GAD2: variants seen among roughly 807,000 people sequenced by gnomAD.
The protein encoded by GAD2 is glutamate decarboxylase 2.
GAD2 carries 22 observed loss-of-function variants against 80.1 expected under a neutral mutation model. That is an observed-to-expected ratio of 0.27 (90% CI 0.20 to 0.39). The LOEUF is 0.39. Among genes scored for constraint, GAD2 ranks in the 10% least tolerant of loss-of-function variants. GAD2 has a pLI of 1.00. For synonymous variants in GAD2, 274 were observed against 256.9 expected, an observed-to-expected ratio of 1.07 and a Z score of -0.64; for missense variants, 624 against 738.4, an observed-to-expected ratio of 0.85 and a Z score of 1.80.
chr10:26,294,426 G>C (rs757495337), intron 15 of GAD2, among the ~76,000 whole-genome samples: 16 of 152,194 alleles, frequency 1.1e-4, no homozygotes, highest in Non-Finnish European at 2.1e-4. Context: ...TTTAAACCAA[G>C]CCTCCTAATT....
intron 12 of GAD2, among the ~76,000 whole-genome samples, chr10:26,281,944 A>C (rs1331792425): frequency 6.6e-6 from 1 of 152,120 alleles, no homozygotes; most frequent in Non-Finnish European, 1.5e-5. Flanking sequence ...ATCTTCATTT[A>C]CTTTTTTTTT....
rs541090237 is a variant in GAD2, at chr10:26,218,161, T to C, written c.286+170T>C. The C allele has an allele frequency of 9.1e-5, 63 of 692,316 alleles. No individual in the cohort carries two copies. In the African/African-American group the frequency reaches 1.1e-3, roughly 12 times the overall value. 42.9% of individuals were successfully genotyped at this position (692,316 alleles called of 1,614,324 possible). On this transcript the variant is annotated intron_variant, in intron 3 of 15. Transcript: ENST00000376261. ...AGCGAGAAATGCGGGACCTGCCCGCTGGGTCCAAGCCCCCGAACCTGGCCT... is the reference window on the plus strand; with the variant it reads ...AGCGAGAAATGCGGGACCTGCCCGCCGGGTCCAAGCCCCCGAACCTGGCCT...
intron 8 of GAD2, 106 bp from the exon 9 acceptor site, chr10:26,269,013 G>A: frequency 1.4e-6 from 1 of 710,430 alleles, no homozygotes; most frequent in Non-Finnish European, 2.4e-6. Context: ...TCCGAGTATT[G>A]TTATCAACAG....
At position 26,300,958 on chromosome 10, in the gene GAD2, A is replaced by G. The variant is rs1185112622; in HGVS notation, c.1755A>G (p.Leu585=). 2 of 1,613,164 alleles carry G rather than the reference A, an allele frequency of 1.2e-6. No individual in the cohort carries two copies. The highest frequency in any genetic ancestry group is 8.5e-7 in the Non-Finnish European group (1 of 1,179,228). Residue 585 remains leucine, a synonymous_variant, in exon 16 of 16, where the codon TTA becomes TTG. Transcript: ENST00000376261. ...AAATAGAACGCCTTGGACAAGATTTATAATAACCTTGCTCACCAAGCTGTT... is the reference window on the plus strand; with the variant it reads ...AAATAGAACGCCTTGGACAAGATTTGTAATAACCTTGCTCACCAAGCTGTT... ...IEEIERLGQD[L]
chr10:26,274,988 G>A (rs1472551012), intron 11 of GAD2, among the ~76,000 whole-genome samples: 1 of 152,206 alleles, frequency 6.6e-6, no homozygotes, highest in Non-Finnish European at 1.5e-5. Flanking sequence ...CAGTGGATGA[G>A]GGCAGGTGTG....
In GAD2 at chr10:26,303,484, A is replaced by G. The variant is rs1228613103; in HGVS notation, c.*2523A>G. On this transcript the variant is annotated 3_prime_UTR_variant, in exon 16 of 16. Coordinates refer to ENST00000376261, the MANE Select transcript of GAD2 (RefSeq NM_001134366.2). ...GGAGGGAGGGAAGGAGGGAGGGAGG[A>G]AGGAAATGAAGGGAGGGAGGGAGGG... is the stretch of plus-strand genomic sequence containing the variant. 11 of 139,760 alleles carry G rather than the reference A, an allele frequency of 7.9e-5. No individual in the cohort carries two copies. The highest frequency in any genetic ancestry group is 1.4e-4 in the Admixed American group (2 of 14,010). 8.7% of individuals were successfully genotyped at this position (139,760 alleles called of 1,614,324 possible).
Position 26,219,135 on chromosome 10 carries a change from G to A in GAD2, c.379G>A (p.Asp127Asn), listed in dbSNP as rs747528687. Residue 127 changes from aspartate to asparagine, a missense_variant, in exon 4 of 16, where the codon GAT becomes AAT. Physicochemically the swap from Asp to Asn is conservative, Grantham distance 23. Transcript: ENST00000376261. ...ACTTCAGTATGTGGTGAAAAGTTTC[G>A]ATAGATCAACCAAAGTGATTGATTT... ...ILLQYVVKSF[D>N]RSTKVIDFHY... is the part of the protein sequence containing the mutation. The A allele has an allele frequency of 5.6e-6, 9 of 1,613,798 alleles. No individual in the cohort carries two copies. Among genetic ancestry groups the A allele is most frequent in the Non-Finnish European group, 7.6e-6 (9 of 1,179,902 alleles).
intron 14 of GAD2, 119 bp from the exon 15 acceptor site, chr10:26,292,783 C>A: frequency 3.2e-6 from 3 of 930,750 alleles, no homozygotes; most frequent in Non-Finnish European, 3.5e-6. Context: ...AATGGCAATT[C>A]CTGATTGAAA....
chr10:26,292,560 G>T lies in GAD2; in HGVS notation c.1482G>T (p.Val494=), dbSNP rs1422139298. 1.2e-6 allele frequency: 2 copies of T among 1,610,732 alleles called. No individual in the cohort carries two copies. Among genetic ancestry groups the T allele is most frequent in the African/African-American group, 2.7e-5 (2 of 74,852 alleles). ...AAAACCGAGAAGGATATGAGATGGT[G>T]TTTGATGGGAAGGTATGTATTTGGA... is the stretch of plus-strand genomic sequence containing the variant. ...IIKNREGYEM[V]FDGKPQHTNV... Residue 494 remains valine, a synonymous_variant, in exon 14 of 16, where the codon GTG becomes GTT. Coordinates refer to ENST00000376261, the MANE Select transcript of GAD2 (RefSeq NM_001134366.2).
chr10:26,273,809 A>G (rs1297558848), intron 11 of GAD2, 109 bp downstream of exon 11: 4 of 850,560 alleles, frequency 4.7e-6, no homozygotes, highest in Non-Finnish European at 5.7e-6. Flanking sequence ...AACTCACTCT[A>G]TTCAGTGCTT....
chr10:26,259,191 G>C (rs1844979565), intron 8 of GAD2, among the ~76,000 whole-genome samples: 1 of 152,148 alleles, frequency 6.6e-6, no homozygotes, highest in East Asian at 1.9e-4. Context: ...TCAAGACTCT[G>C]CTTTCAATTA....
chr10:26,230,600 A>T (rs916693602), intron 7 of GAD2, among the ~76,000 whole-genome samples: 1 of 152,004 alleles, frequency 6.6e-6, no homozygotes, highest in Non-Finnish European at 1.5e-5. Context: ...ATGGCTGACT[A>T]ATTTTTCTAT....
chr10:26,280,394 G>C (rs1845258505), intron 11 of GAD2, among the ~76,000 whole-genome samples: 1 of 152,120 alleles, frequency 6.6e-6, no homozygotes, highest in Admixed American at 6.5e-5. Flanking sequence ...GTAAGAAATT[G>C]GTCAACATAT....
At chr10:26,227,381 T>G (rs913371218) in intron 6 of GAD2, among the ~76,000 whole-genome samples, 2 of 152,250 alleles carry the variant, frequency 1.3e-5, no homozygotes, top group Non-Finnish European at 1.5e-5. Flanking sequence ...CCCAGAAGCC[T>G]CTTTCTCTCA....
chr10:26,295,581 T>G (rs1462281954), intron 15 of GAD2, among the ~76,000 whole-genome samples: 1 of 147,796 alleles, frequency 6.8e-6, no homozygotes, highest in East Asian at 2.0e-4. Context: ...GGTGAAATAA[T>G]CTATGCTGTC....
Position 26,219,298 on chromosome 10 carries a change from T to C in GAD2, c.520+22T>C, listed in dbSNP as rs756811803. 3 of 1,379,018 alleles carry C rather than the reference T, an allele frequency of 2.2e-6. No homozygotes were observed. The South Asian group carries it at 3.9e-5, about 18-fold the overall frequency. 85.4% of individuals were successfully genotyped at this position (1,379,018 alleles called of 1,614,324 possible). A position where few individuals can be genotyped will look rare whatever the true frequency, so the allele number is the denominator to read the frequency against. On this transcript the variant is annotated intron_variant, in intron 4 of 15. Transcript: ENST00000376261. Reference sequence around the variant, plus strand: ...ACAGGTATTGTCTCATCGAAAATAATAAAGCTCTTTTTTCGTTTACAATTT... The same window carrying C: ...ACAGGTATTGTCTCATCGAAAATAACAAAGCTCTTTTTTCGTTTACAATTT...
intron 8 of GAD2, among the ~76,000 whole-genome samples, chr10:26,266,045 T>C (rs969239642): frequency 9.2e-5 from 14 of 152,266 alleles, no homozygotes; most frequent in Admixed American, 5.9e-4. Flanking sequence ...GCAGCTTTTC[T>C]TAACATATGG....
At chr10:26,222,642 C>CT (rs1844467797) in intron 4 of GAD2, among the ~76,000 whole-genome samples, 1 of 152,176 alleles carries the variant, frequency 6.6e-6, no homozygotes, top group South Asian at 2.1e-4. Flanking sequence ...TAAAACAATG[C>CT]TGGAGAATGT....
chr10:26,278,437 T>C (rs1167271236), intron 11 of GAD2, among the ~76,000 whole-genome samples: 3 of 152,208 alleles, frequency 2.0e-5, no homozygotes, highest in African/African-American at 7.2e-5. Context: ...ATTATTATTC[T>C]CCTTTTCTAG....
Sources: gnomAD v4.1 joint callset for allele counts (sites outside exome capture counted in the v4.1 genomes callset) on GRCh38, gnomAD v4.1.1 for gene constraint, MANE v1.5 for transcripts, NCBI Gene and HGNC (gene_info 2026-07-23, HGNC 2026-07-21) for gene names.